The following CAPRIN1 variants were observed in gnomAD, a reference collection of about 807,000 sequenced individuals.
CAPRIN1 encodes the protein cell cycle associated protein 1.
In CAPRIN1, 29 loss-of-function variants were observed where a neutral mutation model predicts 100.9. That is an observed-to-expected ratio of 0.29 (90% CI 0.21 to 0.39). The LOEUF is 0.39. Ranked by LOEUF, CAPRIN1 falls within the 10% of genes least tolerant of loss-of-function variation. The probability of loss-of-function intolerance (pLI) is 1.00; values close to 1 mark genes in which losing one functional copy is unlikely to be tolerated. For synonymous variants in CAPRIN1, 338 were observed against 307.5 expected, an observed-to-expected ratio of 1.10 and a Z score of -1.04; for missense variants, 795 against 876.7, an observed-to-expected ratio of 0.91 and a Z score of 1.18.
intron 2 of CAPRIN1, chr11:34,063,410 G>T (rs1294084007): frequency 6.6e-6 from 1 of 152,240 alleles, no homozygotes; most frequent in African/African-American, 2.4e-5. Context: ...GGTGAAATAT[G>T]ATTGATAGTA....
intron 4 of CAPRIN1, among the ~76,000 whole-genome samples, chr11:34,072,436 A>G (rs756490159): frequency 1.3e-5 from 2 of 152,226 alleles, no homozygotes; most frequent in Non-Finnish European, 2.9e-5. Context: ...AGCTCTGCAA[A>G]TACATAAAAA....
At chr11:34,054,336 C>T (rs565442123) in intron 2 of CAPRIN1, among the ~76,000 whole-genome samples, 1 of 152,190 alleles carries the variant, frequency 6.6e-6, no homozygotes, top group South Asian at 2.1e-4. Flanking sequence ...TGTAAGGTAG[C>T]TACATTCAAA....
chr11:34,080,080 C>A (rs1013238253), intron 7 of CAPRIN1, among the ~76,000 whole-genome samples: 1 of 151,980 alleles, frequency 6.6e-6, no homozygotes, highest in African/African-American at 2.4e-5. Context: ...CCCGCCACCA[C>A]GCCCGGCTAT....
chr11:34,083,328 A>G (rs1851069498), intron 9 of CAPRIN1, among the ~76,000 whole-genome samples: 1 of 152,202 alleles, frequency 6.6e-6, no homozygotes, highest in Non-Finnish European at 1.5e-5. Flanking sequence ...GTTGCTCTGT[A>G]AAAATCTGGG....
intron 2 of CAPRIN1, chr11:34,056,679 A>C (rs546500299): frequency 6.6e-6 from 1 of 152,288 alleles, no homozygotes; most frequent in African/African-American, 2.4e-5. Flanking sequence ...CTTAATTTTA[A>C]CTGAAGAGAG....
At chr11:34,062,741 A>G (rs1850607521) in intron 2 of CAPRIN1, among the ~76,000 whole-genome samples, 1 of 152,026 alleles carries the variant, frequency 6.6e-6, no homozygotes, top group Non-Finnish European at 1.5e-5. Context: ...TTTGGCCTGG[A>G]TACATAAAGT....
chr11:34,073,789 CAAAA>C (rs1378705355), intron 4 of CAPRIN1, among the ~76,000 whole-genome samples: 1 of 151,844 alleles, frequency 6.6e-6, no homozygotes, highest in African/African-American at 2.4e-5. Flanking sequence ...TTGCTGAAAA[CAAAA>C]AAAGTAATTT....
chr11:34,052,264 C>G (rs1266279005), intron 1 of CAPRIN1, 157 bp from the exon 2 acceptor site: 2 of 605,914 alleles, frequency 3.3e-6, no homozygotes, highest in Non-Finnish European at 5.6e-6. Context: ...CCCGCGCACT[C>G]TTCCTGCCCT....
chr11:34,082,074 A>G (rs1851044203), intron 7 of CAPRIN1, among the ~76,000 whole-genome samples: 2 of 152,192 alleles, frequency 1.3e-5, no homozygotes, highest in Non-Finnish European at 2.9e-5. Flanking sequence ...GGCCTCCCAG[A>G]GTGCTGGGAT....
intron 15 of CAPRIN1, among the ~76,000 whole-genome samples, chr11:34,094,217 C>T (rs1029995386): frequency 2.0e-5 from 3 of 152,114 alleles, no homozygotes; most frequent in Admixed American, 6.5e-5. Flanking sequence ...CGGCTCACTG[C>T]AACCTCCGCC....
intron 4 of CAPRIN1, among the ~76,000 whole-genome samples, chr11:34,073,994 A>C (rs1434468451): frequency 1.3e-5 from 2 of 152,122 alleles, no homozygotes; most frequent in African/African-American, 4.8e-5. Flanking sequence ...GGCAAGAGAG[A>C]GTGATCATAC....
chr11:34,074,315 G>T (rs1345955782), intron 4 of CAPRIN1, among the ~76,000 whole-genome samples: 7 of 150,918 alleles, frequency 4.6e-5, no homozygotes, highest in Admixed American at 2.0e-4. Flanking sequence ...TGTAACACTG[G>T]TATTTTCAGG....
chr11:34,080,718 C>T (rs1851012068), intron 7 of CAPRIN1, among the ~76,000 whole-genome samples: 1 of 152,184 alleles, frequency 6.6e-6, no homozygotes, highest in Admixed American at 6.5e-5. Context: ...ATCTTCGCTT[C>T]AACACTTACT....
chr11:34,088,541 G>A (rs575853538), intron 11 of CAPRIN1, among the ~76,000 whole-genome samples: 68 of 152,136 alleles, frequency 4.5e-4, no homozygotes, highest in Non-Finnish European at 2.6e-4. Flanking sequence ...TGGCAGGGTG[G>A]CATGCATCTA....
chr11:34,086,059 C>G lies in CAPRIN1; in HGVS notation c.967-5C>G, dbSNP rs112338854. 14 of 1,607,530 alleles carry G rather than the reference C, an allele frequency of 8.7e-6. No individual in the cohort carries two copies. In the African/African-American group the frequency reaches 1.2e-4, roughly 14 times the overall value. On this transcript the variant is annotated splice_polypyrimidine_tract_variant and splice_region_variant and intron_variant, in intron 9 of 18. Coordinates refer to ENST00000341394, the MANE Select transcript of CAPRIN1 (RefSeq NM_005898.5). The stretch of plus-strand genomic sequence containing the variant: ...TTCCTTCTAATCCTTTTTTTTCTAC[C>G]TTAGGTGGTAAATTCACTCCAGCAG...
At chr11:34,073,558 G>A (rs1021823893) in intron 4 of CAPRIN1, among the ~76,000 whole-genome samples, 1 of 152,012 alleles carries the variant, frequency 6.6e-6, no homozygotes, top group African/African-American at 2.4e-5. Flanking sequence ...TGAGTAACTG[G>A]GACTACAGAC....
At chr11:34,079,326 G>T (rs1390164706) in intron 6 of CAPRIN1, among the ~76,000 whole-genome samples, 1 of 152,114 alleles carries the variant, frequency 6.6e-6, no homozygotes, top group African/African-American at 2.4e-5. Flanking sequence ...CTTGAATCTG[G>T]GAGGCAGAGG....
chr11:34,065,385 A>C (rs1850668830), intron 2 of CAPRIN1, among the ~76,000 whole-genome samples: 1 of 152,226 alleles, frequency 6.6e-6, no homozygotes, highest in Non-Finnish European at 1.5e-5. Context: ...AGTGTTTCTC[A>C]AACTTAAGCA....
At chr11:34,093,203 TA>T (rs748230579) in intron 15 of CAPRIN1, among the ~76,000 whole-genome samples, 11 of 137,872 alleles carry the variant, frequency 8.0e-5, no homozygotes, top group African/African-American at 3.4e-4. Context: ...TTTATATATA[TA>T]TTTTTTTAAG....
Sources: allele counts gnomAD v4.1 joint callset (sites outside exome capture counted in the v4.1 genomes callset), GRCh38; gene constraint gnomAD v4.1.1; transcripts MANE v1.5; gene names NCBI Gene and HGNC (gene_info 2026-07-23, HGNC 2026-07-21).